The following CTCF variants were observed in gnomAD, a reference collection of about 807,000 sequenced individuals.
The protein encoded by CTCF is CCCTC-binding factor, also known as transcriptional repressor CTCF.
CTCF carries 7 observed loss-of-function variants against 72.3 expected under a neutral mutation model. The observed-to-expected ratio is 0.10, with a 90% CI of 0.06 to 0.18. CTCF has a LOEUF of 0.18. Among genes scored for constraint, CTCF ranks in the 10% least tolerant of loss-of-function variants. The pLI, the probability that CTCF is intolerant of heterozygous loss-of-function variation, is 1.00. For missense variants in CTCF, 516 were observed against 949.1 expected (o/e 0.54, Z 6.00); for synonymous variants, 374 against 315.8 (o/e 1.18, Z -1.95).
chr16:67,630,073 G>T (rs2052344707), intron 10 of CTCF, among the ~76,000 whole-genome samples: 1 of 151,790 alleles, frequency 6.6e-6, no homozygotes, highest in African/African-American at 2.4e-5. Context: ...ACTGCGCCCG[G>T]CCATTATTAA....
chr16:67,570,036 A>G (rs1191097325), intron 1 of CTCF, among the ~76,000 whole-genome samples: 1 of 151,848 alleles, frequency 6.6e-6, no homozygotes, highest in Non-Finnish European at 1.5e-5. Context: ...AGATACGGAA[A>G]TAAACTGTTA....
chr16:67,563,814 C>T (rs1045655143), intron 1 of CTCF: 3 of 152,176 alleles, frequency 2.0e-5, no homozygotes, highest in African/African-American at 4.8e-5. Context: ...TAACTTAGTA[C>T]CTGATGCTCT....
intron 3 of CTCF, 27 bp from the exon 4 acceptor site, chr16:67,611,924 C>T (rs765765817): frequency 1.2e-6 from 2 of 1,600,942 alleles, no homozygotes; most frequent in South Asian, 1.1e-5. Context: ...AACTCTGCAG[C>T]AAGTAAGTGT....
intron 2 of CTCF, among the ~76,000 whole-genome samples, chr16:67,587,321 T>A (rs912145274): frequency 1.3e-5 from 2 of 152,134 alleles, no homozygotes; most frequent in Non-Finnish European, 2.9e-5. Flanking sequence ...ACCACATTGC[T>A]ATTTGGTACA....
chr16:67,601,294 C>CGTGTGTGTGTGTGTGTGT (rs58241150), intron 2 of CTCF, among the ~76,000 whole-genome samples: 3 of 98,670 alleles, frequency 3.0e-5, no homozygotes, highest in Non-Finnish European at 5.9e-5. Flanking sequence ...ACTCTGTCAC[C>CGTGTGTGTGTGTGTGTGT]GTGTGTGTGT....
At chr16:67,589,146 A>G (rs2051705785) in intron 2 of CTCF, among the ~76,000 whole-genome samples, 1 of 152,048 alleles carries the variant, frequency 6.6e-6, no homozygotes, top group Admixed American at 6.6e-5. Flanking sequence ...TAATAATAAA[A>G]TAGTAGGGTG....
intron 2 of CTCF, among the ~76,000 whole-genome samples, chr16:67,596,476 A>G (rs1408433141): frequency 6.6e-6 from 1 of 152,152 alleles, no homozygotes; most frequent in Non-Finnish European, 1.5e-5. Flanking sequence ...TAAAGAGGTT[A>G]ATCCATTGTC....
At chr16:67,593,476 G>C (rs927134832) in intron 2 of CTCF, among the ~76,000 whole-genome samples, 2 of 152,206 alleles carry the variant, frequency 1.3e-5, no homozygotes, top group East Asian at 1.9e-4. Flanking sequence ...ATTCGCTTAG[G>C]ATAATGACCT....
intron 8 of CTCF, chr16:67,627,598 A>C (rs1338248155): frequency 6.6e-6 from 1 of 151,980 alleles, no homozygotes; most frequent in East Asian, 1.9e-4. Flanking sequence ...TGGGAGTTCA[A>C]GACCAGCCTG....
At chr16:67,566,917 C>T (rs1358561362) in intron 1 of CTCF, among the ~76,000 whole-genome samples, 1 of 151,836 alleles carries the variant, frequency 6.6e-6, no homozygotes, top group Non-Finnish European at 1.5e-5. Flanking sequence ...TCTCTTTTAC[C>T]CAGGCTGGAG....
chr16:67,590,113 C>CTTT (rs201207895), intron 2 of CTCF, among the ~76,000 whole-genome samples: 3 of 141,524 alleles, frequency 2.1e-5, no homozygotes, highest in African/African-American at 7.8e-5. Flanking sequence ...ACAGTTAGAA[C>CTTT]TTTTTTTTTT....
At chr16:67,592,494 T>G (rs557663618) in intron 2 of CTCF, among the ~76,000 whole-genome samples, 3 of 151,984 alleles carry the variant, frequency 2.0e-5, no homozygotes, top group South Asian at 2.1e-4. Flanking sequence ...TCACCAGAGC[T>G]CAGAAGTTTG....
At chr16:67,591,443 T>C (rs1334606928) in intron 2 of CTCF, among the ~76,000 whole-genome samples, 1 of 152,174 alleles carries the variant, frequency 6.6e-6, no homozygotes. Context: ...CAAGTTATTC[T>C]CCCAATTCAA....
intron 7 of CTCF, among the ~76,000 whole-genome samples, chr16:67,623,907 G>T (rs894733538): frequency 5.3e-5 from 8 of 151,992 alleles, no homozygotes; most frequent in Non-Finnish European, 7.4e-5. Context: ...AATTAGCCGG[G>T]TGTGGTGGCA....
intron 2 of CTCF, among the ~76,000 whole-genome samples, chr16:67,596,852 G>T (rs2051822259): frequency 6.6e-6 from 1 of 152,082 alleles, no homozygotes; most frequent in Non-Finnish European, 1.5e-5. Context: ...CTCCCAAAGT[G>T]CTGGGATTAC....
At chr16:67,615,730 G>GT (rs2052123747) in intron 4 of CTCF, 2 of 152,174 alleles carry the variant, frequency 1.3e-5, no homozygotes, top group South Asian at 4.1e-4. Flanking sequence ...GTGCTTTACC[G>GT]TTAGATCCAT....
intron 2 of CTCF, among the ~76,000 whole-genome samples, chr16:67,591,285 CTG>C (rs1256981584): frequency 6.6e-6 from 1 of 151,060 alleles, no homozygotes; most frequent in Non-Finnish European, 1.5e-5. Flanking sequence ...GAGCGAGACT[CTG>C]TCTCAAAAAA....
chr16:67,566,607 C>T (rs1335544579), intron 1 of CTCF, among the ~76,000 whole-genome samples: 2 of 148,792 alleles, frequency 1.3e-5, no homozygotes, highest in Admixed American at 1.3e-4. Flanking sequence ...GATGGAGTCT[C>T]GCTTTGTCTA....
chr16:67,567,181 C>T (rs1362098575), intron 1 of CTCF, among the ~76,000 whole-genome samples: 4 of 152,238 alleles, frequency 2.6e-5, no homozygotes, highest in South Asian at 2.1e-4. Flanking sequence ...AGTCTGTCTT[C>T]GTATCTTTCC....
Sources: allele counts gnomAD v4.1 joint callset (sites outside exome capture counted in the v4.1 genomes callset), GRCh38; gene constraint gnomAD v4.1.1; transcripts MANE v1.5; gene names NCBI Gene and HGNC (gene_info 2026-07-23, HGNC 2026-07-21).